Variants in ARL6IP4 observed in about 807,000 individuals in gnomAD.
The protein encoded by ARL6IP4 is ADP-ribosylation factor-like protein 6-interacting protein 4.
ARL6IP4 carries 24 observed loss-of-function variants against 28.1 expected under a neutral mutation model. The observed-to-expected ratio is 0.86, with a 90% CI of 0.62 to 1.20. The LOEUF (loss-of-function observed/expected upper bound fraction) is 1.20, where lower values mean the gene tolerates loss of function less well. Ranked by LOEUF, ARL6IP4 falls within the 50% of genes most tolerant of loss-of-function variation. ARL6IP4 has a pLI of 0.00. For missense variants in ARL6IP4, 343 were observed against 302.4 expected (o/e 1.13, Z -1.00); for synonymous variants, 162 against 122.3 (o/e 1.32, Z -2.14).
chr12:122,981,490 G>A, intron 2 of ARL6IP4, 81 bp from the exon 3 acceptor site: 2 of 1,419,530 alleles, frequency 1.4e-6, no homozygotes, highest in East Asian at 2.5e-5. Context: ...CTCAGGAAGC[G>A]CTCACCCTGT....
In ARL6IP4 at chr12:122,980,754, G is replaced by C. The variant is rs2037607115; in HGVS notation, c.-12+9G>C. 7.6e-7 allele frequency: 1 copy of C among 1,309,266 alleles called. No individual in the cohort carries two copies. Among genetic ancestry groups the C allele is most frequent in the Non-Finnish European group, 9.7e-7 (1 of 1,033,382 alleles). 81.1% of individuals were successfully genotyped at this position (1,309,266 alleles called of 1,614,324 possible). ...CCCGCAGGGCGGTCGAGGTGGGAACGGAGCAGCCCCGGGGGCCCCCTTGAG... is the reference window on the plus strand; with the variant it reads ...CCCGCAGGGCGGTCGAGGTGGGAACCGAGCAGCCCCGGGGGCCCCCTTGAG... On this transcript the variant is annotated intron_variant, in intron 1 of 5. Coordinates refer to ENST00000315580, the MANE Select transcript of ARL6IP4 (RefSeq NM_018694.4).
chr12:122,980,939 C>A (rs2037617402), intron 1 of ARL6IP4, 190 bp from the exon 2 acceptor site: 1 of 1,385,992 alleles, frequency 7.2e-7, no homozygotes, highest in Non-Finnish European at 9.3e-7. Context: ...ACAGGCACCG[C>A]TGCGGGGACT....
chr12:122,980,572 C>T (rs555209961), upstream of ARL6IP4: 6 of 1,372,938 alleles, frequency 4.4e-6, no homozygotes, highest in Middle Eastern at 2.2e-4. Context: ...CTGCTTGCCT[C>T]TGCGGGAGGT....
intron 4 of ARL6IP4, 92 bp downstream of exon 4, chr12:122,982,166 C>T: frequency 6.9e-7 from 1 of 1,458,336 alleles, no homozygotes; most frequent in East Asian, 2.3e-5. Flanking sequence ...GGGCGGGGTT[C>T]CTGGTGCCTG....
rs201978657 is a variant in ARL6IP4 at position 122,981,679 on chromosome 12, C to T, written c.269C>T (p.Ser90Phe). 7.0e-5 allele frequency: 109 copies of T among 1,553,928 alleles called. No individual in the cohort carries two copies. The highest frequency in any genetic ancestry group is 5.5e-5 in the Non-Finnish European group (63 of 1,148,394). ...SSSSSSSSSS[S>F]SSSSSSSSDG... ...AGTTCTTCTAGCTCCTCTTCTTCCT[C>T]CTCGTCCTCCTCCTCTTCCTCCAGT... The change falls in exon 3 of 6, where the codon TCC becomes TTC. Residue 90 changes from serine to phenylalanine, a missense_variant. By Grantham distance (155) the Ser-to-Phe change is radical. Transcript: ENST00000315580.
chr12:122,981,086 G>A lies in ARL6IP4; in HGVS notation c.-11-43G>A, dbSNP rs540553014. On this transcript the variant is annotated intron_variant, in intron 1 of 5. Transcript: ENST00000315580. ...CCACCCTTGGAGCCCGCCCGCGGCC[G>A]GCCTTGGGGGCTTCGGCTCAAGCGC... The A allele has an allele frequency of 1.3e-4, 194 of 1,511,950 alleles. 1 individual carries two copies. Among genetic ancestry groups the A allele is most frequent in the Non-Finnish European group, 1.6e-4 (181 of 1,130,126 alleles). The allele number at this position is 1,511,950 out of a possible 1,614,324, so 93.7% of individuals were successfully genotyped here. A position where few individuals can be genotyped will look rare whatever the true frequency, so the allele number is the denominator to read the frequency against.
rs1566219532 is a variant in ARL6IP4 at position 122,981,757 on chromosome 12, A to AGAAGAG, written c.353_358dup (p.Arg118_Lys119dup). On this transcript the variant is annotated inframe_insertion, in exon 3 of 6. Coordinates refer to ENST00000315580, the MANE Select transcript of ARL6IP4 (RefSeq NM_018694.4). ...AAGGACAAGAGGAGGAAGAAGAAGA[A>AGAAGAG]GAAGAGGAAGAAGCTGAAGAAGAAG... 1 of 1,560,184 alleles carries AGAAGAG rather than the reference A, an allele frequency of 6.4e-7. No individual in the cohort carries two copies. Among genetic ancestry groups the AGAAGAG allele is most frequent in the Admixed American group, 1.9e-5 (1 of 51,638 alleles).
At position 122,981,794 on chromosome 12, in the gene ARL6IP4, G is replaced by A; in HGVS notation, c.384G>A (p.Lys128=). Reference sequence around the variant, plus strand: ...AGCTGAAGAAGAAGGGCAAGGAGAAGGCGGAAGCACAGCAGGTGGAGGCTC... The same window carrying A: ...AGCTGAAGAAGAAGGGCAAGGAGAAAGCGGAAGCACAGCAGGTGGAGGCTC... ...RKKLKKKGKE[K]AEAQQVEALP... The change falls in exon 3 of 6, where the codon AAG becomes AAA. Residue 128 remains lysine, a synonymous_variant. Coordinates refer to ENST00000315580, the MANE Select transcript of ARL6IP4 (RefSeq NM_018694.4). 1 of 1,595,542 alleles carries A rather than the reference G, an allele frequency of 6.3e-7. No homozygotes were observed. Among genetic ancestry groups the A allele is most frequent in the Non-Finnish European group, 8.5e-7 (1 of 1,171,056 alleles).
chr12:122,982,246 A>T, intron 4 of ARL6IP4, 172 bp downstream of exon 4: 1 of 844,402 alleles, frequency 1.2e-6, no homozygotes, highest in Admixed American at 2.3e-5. Flanking sequence ...AAGGGCCTGG[A>T]GGAGGCTCTT....
At chr12:122,981,085 C>T (rs1332626616) in intron 1 of ARL6IP4, 44 bp from the exon 2 acceptor site, 1 of 1,513,378 alleles carries the variant, frequency 6.6e-7, no homozygotes, top group Non-Finnish European at 8.8e-7. Context: ...CGCCCGCGGC[C>T]GGCCTTGGGG....
At chr12:122,981,025 G>A (rs2135972074) in intron 1 of ARL6IP4, 104 bp from the exon 2 acceptor site, 19 of 1,418,066 alleles carry the variant, frequency 1.3e-5, no homozygotes, top group Non-Finnish European at 1.7e-5. Flanking sequence ...GACGGTGACG[G>A]GTACTGGGCG....
rs2037692655 is a variant in ARL6IP4, at chr12:122,981,958, C to T, written c.471C>T (p.Val157=). The change falls in exon 4 of 6, where the codon GTC becomes GTT. Residue 157 remains valine (V), a splice_region_variant and synonymous_variant. Coordinates refer to ENST00000315580, the MANE Select transcript of ARL6IP4 (RefSeq NM_018694.4). ...CACCACCTCCGTCTTCCCTTCCAGT[C>T]CTGACGGATGAGCAGAAGTCCCGAA... is the stretch of plus-strand genomic sequence containing the variant. The part of the protein sequence containing the change: ...RSAGEEEDGP[V]LTDEQKSRIQ... 6.2e-7 allele frequency: 1 copy of T among 1,613,644 alleles called. No individual in the cohort carries two copies. Among genetic ancestry groups the T allele is most frequent in the Admixed American group, 1.7e-5 (1 of 60,006 alleles).
chr12:122,980,426 G>T, upstream of ARL6IP4: 1 of 1,362,310 alleles, frequency 7.3e-7, no homozygotes, highest in Non-Finnish European at 9.5e-7. Context: ...AGGGCGGCGC[G>T]CGCGAGGGTC....
chr12:122,981,131 C>G lies in ARL6IP4; in HGVS notation c.-9C>G, dbSNP rs1383139920. On this transcript the variant is annotated splice_region_variant and 5_prime_UTR_variant, in exon 2 of 6. Coordinates refer to ENST00000315580, the MANE Select transcript of ARL6IP4 (RefSeq NM_018694.4). ...AAGCGCGTCTTCTTCGTCGCCAGCC[C>G]GCGGCGCCATGGCTCACGTCGGCTC... 2 of 1,547,744 alleles carry G rather than the reference C, an allele frequency of 1.3e-6. No individual in the cohort carries two copies. The highest frequency in any genetic ancestry group is 2.4e-5 in the South Asian group (2 of 83,928).
intron 2 of ARL6IP4, 69 bp from the exon 3 acceptor site, chr12:122,981,502 G>C: frequency 6.9e-7 from 1 of 1,441,788 alleles, no homozygotes; most frequent in Non-Finnish European, 9.2e-7. Context: ...TCACCCTGTA[G>C]CCGGTCTGTG....
Position 122,982,675 on chromosome 12 carries a change from G to A in ARL6IP4, c.713G>A (p.Ter238=). Residue 238 remains the stop codon, a stop_retained_variant, in exon 6 of 6, where the codon TGA becomes TAA. Coordinates refer to ENST00000315580, the MANE Select transcript of ARL6IP4 (RefSeq NM_018694.4). ...CAGATGCGAGCTGGGTTGCTTCCCTGAGGGCCCCCGCTGGCCAAGGCCTGT... is the reference window on the plus strand; with the variant it reads ...CAGATGCGAGCTGGGTTGCTTCCCTAAGGGCCCCCGCTGGCCAAGGCCTGT... ...AFQMRAGLLP[*] is the part of the protein sequence containing the mutation. 6.2e-7 allele frequency: 1 copy of A among 1,613,590 alleles called. No individual in the cohort carries two copies. The highest frequency in any genetic ancestry group is 8.5e-7 in the Non-Finnish European group (1 of 1,180,012).
intron 1 of ARL6IP4, 146 bp downstream of exon 1, chr12:122,980,891 C>T: frequency 1.0e-5 from 14 of 1,352,258 alleles, no homozygotes; most frequent in Non-Finnish European, 1.3e-5. Context: ...GAGCCGGGTG[C>T]GCAGGCGTGG....
At chr12:122,982,590 A>AC in intron 5 of ARL6IP4, 30 bp from the exon 6 acceptor site, 3 of 1,613,854 alleles carry the variant, frequency 1.9e-6, no homozygotes, top group Non-Finnish European at 2.5e-6. Context: ...TTTGTGATGT[A>AC]CCCCTCCTCC....
In ARL6IP4 at chr12:122,982,721, C is replaced by T. The variant is rs1308256382; in HGVS notation, c.*45C>T. On this transcript the variant is annotated 3_prime_UTR_variant, in exon 6 of 6. Transcript: ENST00000315580. ...CCTGTGGACGACGCTGGCGGCCCAG[C>T]CTGGGCAGGTTTCAGGGTGCCAGTG... is the stretch of plus-strand genomic sequence containing the variant. The T allele has an allele frequency of 1.3e-6, 2 of 1,592,292 alleles. No homozygotes were observed. Among genetic ancestry groups the T allele is most frequent in the Non-Finnish European group, 1.7e-6 (2 of 1,164,310 alleles).
Sources: gnomAD v4.1 joint callset for allele counts on GRCh38, gnomAD v4.1.1 for gene constraint, MANE v1.5 for transcripts, NCBI Gene and HGNC (gene_info 2026-07-23, HGNC 2026-07-21) for gene names.